Variants in GLI3 observed in about 807,000 individuals in gnomAD.
The protein encoded by GLI3 is transcription activator GLI3.
Under a neutral mutation model 100.8 loss-of-function variants are expected in GLI3, and 20 were observed. The observed-to-expected ratio is 0.20, with a 90% CI of 0.14 to 0.29. The LOEUF is 0.29. GLI3 is among the 10% of genes least tolerant of loss of function. GLI3 has a pLI of 1.00. For missense variants in GLI3, 2,040 were observed against 2,128.5 expected (o/e 0.96, Z 0.82); for synonymous variants, 938 against 860.5 (o/e 1.09, Z -1.58).
intron 4 of GLI3, among the ~76,000 whole-genome samples, chr7:42,076,057 G>A (rs1396546542): frequency 6.6e-6 from 1 of 152,138 alleles, no homozygotes; most frequent in Non-Finnish European, 1.5e-5. Context: ...CCAGAGAGTG[G>A]CTCCAATTAT....
At chr7:41,973,454 C>T (rs972690631) in intron 12 of GLI3, among the ~76,000 whole-genome samples, 5 of 152,298 alleles carry the variant, frequency 3.3e-5, no homozygotes, top group Admixed American at 2.0e-4. Context: ...CCTAAGGATA[C>T]AGTCATAAAA....
In GLI3 at chr7:41,964,264, CA is replaced by C; in HGVS notation, c.*65del. 1 of 1,439,534 alleles carries C rather than the reference CA, an allele frequency of 6.9e-7. No individual in the cohort carries two copies. Among genetic ancestry groups the C allele is most frequent in the Non-Finnish European group, 9.8e-7 (1 of 1,025,296 alleles). 89.2% of individuals were successfully genotyped at this position (1,439,534 alleles called of 1,614,324 possible). On this transcript the variant is annotated 3_prime_UTR_variant, in exon 15 of 15. Transcript: ENST00000395925. ...TACAGAACTAAAAAAACAGCCAAAA[CA>C]AAGTCAGTTTAATCTCTTCAACTCC...
In GLI3 at chr7:42,257,550, T is replaced by C. The variant is rs569700221; in HGVS notation, c.-43+6444A>G. Among the ~76,000 whole-genome samples, 74 of 152,194 alleles carry C rather than the reference T, an allele frequency of 4.9e-4. 3 individuals are homozygous for C. The South Asian group carries it at 0.015, about 32-fold the overall frequency. On this transcript the variant is annotated intron_variant, in intron 1 of 2. Coordinates refer to the GLI3 transcript ENST00000678978. ...TAGTAGAGATGGGGTTTCACCGTAT[T>C]AGCCAGGATGGTCTCCATCTCCTGA...
chr7:42,162,761 A>G (rs2128794308), intron 2 of GLI3, among the ~76,000 whole-genome samples: 1 of 152,274 alleles, frequency 6.6e-6, no homozygotes, highest in South Asian at 2.1e-4. Flanking sequence ...AATGCACCTC[A>G]GAGCTCATTC....
chr7:41,994,042 G>A (rs758333267), intron 10 of GLI3, among the ~76,000 whole-genome samples: 3 of 152,054 alleles, frequency 2.0e-5, no homozygotes, highest in South Asian at 2.1e-4. Context: ...TAACTGTGGG[G>A]TAAGGGTTCT....
At chr7:42,113,349 C>A (rs747720128) in intron 3 of GLI3, 42 of 653,932 alleles carry the variant, frequency 6.4e-5, no homozygotes, top group Non-Finnish European at 1.1e-4. Context: ...TACGTCCCGT[C>A]GCTGTTGTTG....
At chr7:42,068,887 T>C (rs954768619) in intron 4 of GLI3, among the ~76,000 whole-genome samples, 2 of 152,142 alleles carry the variant, frequency 1.3e-5, no homozygotes, top group African/African-American at 4.8e-5. Flanking sequence ...TCAGGACAAA[T>C]TCTGTTAAAG....
intron 1 of GLI3, among the ~76,000 whole-genome samples, chr7:42,245,510 T>C: frequency 6.6e-6 from 1 of 152,014 alleles, no homozygotes; most frequent in South Asian, 2.1e-4. Context: ...AAACCCTGCC[T>C]GTACTAAAAA....
chr7:42,085,459 C>T (rs1008512436), intron 3 of GLI3, among the ~76,000 whole-genome samples: 5 of 152,192 alleles, frequency 3.3e-5, no homozygotes, highest in Middle Eastern at 6.8e-3. Context: ...ATTCCCAAAA[C>T]GTTATTATTA....
At chr7:41,982,639 C>A (rs1378448278) in intron 10 of GLI3, among the ~76,000 whole-genome samples, 2 of 144,342 alleles carry the variant, frequency 1.4e-5, no homozygotes, top group African/African-American at 5.3e-5. Flanking sequence ...GAGGTCAAGG[C>A]AGTAGTGAGC....
chr7:42,030,512 T>G (rs567595526), intron 7 of GLI3, among the ~76,000 whole-genome samples: 1 of 152,258 alleles, frequency 6.6e-6, no homozygotes, highest in Admixed American at 6.5e-5. Context: ...GAAGCTAGTG[T>G]CTACATCCAT....
chr7:41,964,072 T>G lies in GLI3; in HGVS notation c.*258A>C, dbSNP rs1399233630. 3.0e-4 allele frequency: 89 copies of G among 298,482 alleles called. 2 individuals carry two copies. Among genetic ancestry groups the G allele is most frequent in the Middle Eastern group, 1.1e-3 (1 of 886 alleles). 18.5% of individuals were successfully genotyped at this position (298,482 alleles called of 1,614,324 possible). On this transcript the variant is annotated 3_prime_UTR_variant, in exon 15 of 15. Transcript: ENST00000395925. The stretch of plus-strand genomic sequence containing the variant: ...AGGGGGCGGGGCTTACAGTTTTTTT[T>G]TTTTTTTTTAAAAAGAGGGTGGTTT...
intron 3 of GLI3, among the ~76,000 whole-genome samples, chr7:42,088,214 T>C (rs1785144785): frequency 6.6e-6 from 1 of 152,226 alleles, no homozygotes; most frequent in South Asian, 2.1e-4. Flanking sequence ...AATGGTATCA[T>C]CTGAAGGAGT....
intron 10 of GLI3, among the ~76,000 whole-genome samples, chr7:41,999,076 G>C (rs1788212087): frequency 1.3e-5 from 2 of 152,194 alleles, no homozygotes; most frequent in Non-Finnish European, 2.9e-5. Flanking sequence ...CAGATGAATG[G>C]AGTTTCCTGT....
rs372830716 is a variant in GLI3, at chr7:42,130,610, G to C, written c.367+17616C>G. On this transcript the variant is annotated intron_variant, in intron 3 of 14. Transcript: ENST00000395925. ...AAAAGCAAAGACATACAGGATATCA[G>C]AGAAAAGAGAAGAGACACACAGAAG... Among the ~76,000 whole-genome samples the C allele has an allele frequency of 5.3e-5, 8 of 152,112 alleles. No homozygotes were observed. The East Asian group carries it at 9.6e-4, about 18-fold the overall frequency.
chr7:42,089,285 C>T (rs1391843028), intron 3 of GLI3, among the ~76,000 whole-genome samples: 1 of 152,200 alleles, frequency 6.6e-6, no homozygotes, highest in Non-Finnish European at 1.5e-5. Flanking sequence ...AGGGTGTGGC[C>T]TACACTCATT....
At chr7:42,213,806 C>T (rs1255514169) in intron 2 of GLI3, among the ~76,000 whole-genome samples, 1 of 152,196 alleles carries the variant, frequency 6.6e-6, no homozygotes, top group Non-Finnish European at 1.5e-5. Flanking sequence ...AATTACTTTT[C>T]GTCCTGTGTT....
chr7:42,258,737 T>G (rs1789111326), intron 1 of GLI3, among the ~76,000 whole-genome samples: 1 of 152,178 alleles, frequency 6.6e-6, no homozygotes, highest in Non-Finnish European at 1.5e-5. Flanking sequence ...GGGAGGACCC[T>G]TGGGCTTGTT....
intron 4 of GLI3, among the ~76,000 whole-genome samples, chr7:42,052,424 T>C (rs1341737715): frequency 6.6e-6 from 1 of 152,088 alleles, no homozygotes; most frequent in Non-Finnish European, 1.5e-5. Flanking sequence ...TCACATGAGG[T>C]GGTTAAGAAA....
Sources: gnomAD v4.1 joint callset for allele counts (sites outside exome capture counted in the v4.1 genomes callset) on GRCh38, gnomAD v4.1.1 for gene constraint, MANE v1.5 for transcripts, NCBI Gene and HGNC (gene_info 2026-07-23, HGNC 2026-07-21) for gene names.